KLF15: variants seen among roughly 807,000 people sequenced by gnomAD.
KLF15 encodes Krueppel-like factor 15.
Under a neutral mutation model 24.6 loss-of-function variants are expected in KLF15, and 4 were observed. That is an observed-to-expected ratio of 0.16 (90% CI 0.08 to 0.37). KLF15 has a LOEUF of 0.37. Among genes scored for constraint, KLF15 ranks in the 10% least tolerant of loss-of-function variants. The probability of loss-of-function intolerance (pLI) is 1.00; values close to 1 mark genes in which losing one functional copy is unlikely to be tolerated. For missense variants in KLF15, 496 were observed against 560.6 expected (o/e 0.88, Z 1.16); for synonymous variants, 246 against 236.3 (o/e 1.04, Z -0.37).
At chr3:126,301,572 A>C in the KLF15 span, among the ~76,000 whole-genome samples, 1 of 151,262 alleles carries the variant, frequency 6.6e-6, no homozygotes, top group Non-Finnish European at 1.5e-5. Flanking sequence ...TTTCCAGTCT[A>C]ATCTTTATTA....
At chr3:126,350,886 G>A (rs770846661) in intron 2 of KLF15, among the ~76,000 whole-genome samples, 29 of 152,260 alleles carry the variant, frequency 1.9e-4, no homozygotes, top group Non-Finnish European at 1.8e-4. Flanking sequence ...AGCAGCCACA[G>A]CAGCAAAGAT....
At position 126,343,837 on chromosome 3, in the gene KLF15, AC is replaced by A. The variant is rs1470525404; in HGVS notation, c.1140del (p.Tyr381ThrfsTer35). 1 of 1,611,014 alleles carries A rather than the reference AC, an allele frequency of 6.2e-7. No individual in the cohort carries two copies. The part of the protein sequence containing the change: ...RHRRSHSGVK[P>X]YQCPVCEKKF... ...TTCTTCTCGCACACAGGACACTGGT[AC>A]GGCTTCACACCTGAGTGCGAGCGCC... On this transcript the variant is annotated frameshift_variant, in exon 3 of 3. Transcript: ENST00000296233. LOFTEE classifies it high-confidence loss of function.
chr3:126,290,085 T>G, the KLF15 span, among the ~76,000 whole-genome samples: 1 of 152,090 alleles, frequency 6.6e-6, no homozygotes, highest in African/African-American at 2.4e-5. Context: ...TATCTGTCTC[T>G]ATCTGCTTAG....
intron 2 of KLF15, among the ~76,000 whole-genome samples, chr3:126,346,717 A>T (rs781618231): frequency 1.1e-4 from 16 of 151,718 alleles, no homozygotes; most frequent in Non-Finnish European, 1.6e-4. Flanking sequence ...CCCTCAGAAG[A>T]CCCCCTGCCT....
At chr3:126,289,127 T>A in the KLF15 span, among the ~76,000 whole-genome samples, 1 of 152,216 alleles carries the variant, frequency 6.6e-6, no homozygotes, top group African/African-American at 2.4e-5. Flanking sequence ...AAACTCACTA[T>A]CCATTTTGAA....
At chr3:126,317,404 G>C in the KLF15 span, among the ~76,000 whole-genome samples, 1 of 152,116 alleles carries the variant, frequency 6.6e-6, no homozygotes, top group East Asian at 1.9e-4. Context: ...TCTCCCAATA[G>C]ATAGAAAAAA....
chr3:126,343,505 C>T lies in KLF15; in HGVS notation c.*222G>A, dbSNP rs78382785. ...AGGCACGAAGGCCTGCCTCCAGCCC[C>T]GTGCGCCTGGGGCCCAGCCCCCAGG... On this transcript the variant is annotated 3_prime_UTR_variant, in exon 3 of 3. Transcript: ENST00000296233. 1 of 513,912 alleles carries T rather than the reference C, an allele frequency of 1.9e-6. No individual in the cohort carries two copies. Among genetic ancestry groups the T allele is most frequent in the Non-Finnish European group, 3.4e-6 (1 of 296,408 alleles). The allele number at this position is 513,912 out of a possible 1,614,324, so 31.8% of individuals were successfully genotyped here.
chr3:126,320,293 T>A, the KLF15 span, among the ~76,000 whole-genome samples: 1 of 152,154 alleles, frequency 6.6e-6, no homozygotes, highest in Non-Finnish European at 1.5e-5. Context: ...ATTTGTAAAA[T>A]CTTCTGGCTT....
chr3:126,323,430 T>TAAC, the KLF15 span, among the ~76,000 whole-genome samples: 2 of 48,418 alleles, frequency 4.1e-5, no homozygotes, highest in African/African-American at 1.4e-4. Context: ...TATATATATA[T>TAAC]ATATAACATA....
At chr3:126,303,743 CTT>C in the KLF15 span, among the ~76,000 whole-genome samples, 1 of 151,146 alleles carries the variant, frequency 6.6e-6, no homozygotes, top group Non-Finnish European at 1.5e-5. Context: ...TAAACTCTCT[CTT>C]GTTTGGGAAT....
At chr3:126,328,290 A>G in the KLF15 span, among the ~76,000 whole-genome samples, 1 of 152,154 alleles carries the variant, frequency 6.6e-6, no homozygotes, top group Non-Finnish European at 1.5e-5. Context: ...GTAGTATTCC[A>G]TCATATATAT....
chr3:126,343,379 T>G lies in KLF15; in HGVS notation c.*348A>C. ...CTAAAGTTCTGGCCTTGGCCCAGGA[T>G]GGGGGAGCCCAGTGGGAGAAGGGCC... On this transcript the variant is annotated 3_prime_UTR_variant, in exon 3 of 3. Coordinates refer to ENST00000296233, the MANE Select transcript of KLF15 (RefSeq NM_014079.4). 3.4e-6 allele frequency: 1 copy of G among 293,880 alleles called. No individual in the cohort carries two copies. Among genetic ancestry groups the G allele is most frequent in the Non-Finnish European group, 6.3e-6 (1 of 158,310 alleles). 18.2% of individuals were successfully genotyped at this position (293,880 alleles called of 1,614,324 possible).
chr3:126,331,464 G>GCAGGTCATT, the KLF15 span, among the ~76,000 whole-genome samples: 3 of 152,196 alleles, frequency 2.0e-5, no homozygotes, highest in Non-Finnish European at 4.4e-5. Context: ...ACCTGTGAAT[G>GCAGGTCATT]AACCCTGAGA....
chr3:126,309,664 G>A, the KLF15 span, among the ~76,000 whole-genome samples: 14 of 152,320 alleles, frequency 9.2e-5, no homozygotes, highest in East Asian at 3.9e-4. Context: ...GTCTAACACC[G>A]TTCCCCAAAT....
chr3:126,308,597 G>T, the KLF15 span, among the ~76,000 whole-genome samples: 1 of 152,194 alleles, frequency 6.6e-6, no homozygotes, highest in African/African-American at 2.4e-5. Context: ...GGAAGTCATG[G>T]CTTGGTGTGG....
intron 2 of KLF15, among the ~76,000 whole-genome samples, chr3:126,347,206 G>C (rs2082541696): frequency 6.6e-6 from 1 of 152,136 alleles, no homozygotes; most frequent in African/African-American, 2.4e-5. Context: ...TCCCTTCCTT[G>C]AGACACTAAC....
chr3:126,294,864 TACACACACACACACAC>T, the KLF15 span, among the ~76,000 whole-genome samples: 7 of 141,852 alleles, frequency 4.9e-5, no homozygotes, highest in African/African-American at 7.8e-5. Flanking sequence ...TGCCCCTCCA[TACACACACACACACAC>T]ACACACACAC....
At chr3:126,351,409 A>G (rs2082580827) in intron 2 of KLF15, among the ~76,000 whole-genome samples, 1 of 152,220 alleles carries the variant, frequency 6.6e-6, no homozygotes, top group Non-Finnish European at 1.5e-5. Context: ...GACCTTGGGC[A>G]AGTACCTGGC....
the KLF15 span, among the ~76,000 whole-genome samples, chr3:126,327,115 A>T: frequency 6.6e-6 from 1 of 152,192 alleles, no homozygotes; most frequent in African/African-American, 2.4e-5. Flanking sequence ...GACATCGTTC[A>T]GGATTCTTCA....
Sources: gnomAD v4.1 joint callset for allele counts (sites outside exome capture counted in the v4.1 genomes callset) on GRCh38, gnomAD v4.1.1 for gene constraint, MANE v1.5 for transcripts, NCBI Gene and HGNC (gene_info 2026-07-23, HGNC 2026-07-21) for gene names.